Variants in SPOCK3 observed in about 807,000 individuals in gnomAD.
SPOCK3 encodes the protein SPARC (osteonectin), cwcv and kazal like domains proteoglycan 3.
SPOCK3 carries 30 observed loss-of-function variants against 56.6 expected under a neutral mutation model. That is an observed-to-expected ratio of 0.53 (90% CI 0.40 to 0.72). The LOEUF (loss-of-function observed/expected upper bound fraction) is 0.72, where lower values mean the gene tolerates loss of function less well. SPOCK3 is among the 30% of genes least tolerant of loss of function. The pLI is 0.00. For synonymous variants in SPOCK3, 196 were observed against 183.3 expected, an observed-to-expected ratio of 1.07 and a Z score of -0.56; for missense variants, 527 against 530.0, an observed-to-expected ratio of 0.99 and a Z score of 0.06.
chr4:167,119,959 C>T, intron 2 of SPOCK3: 1 of 847,180 alleles, frequency 1.2e-6, no homozygotes, highest in Non-Finnish European at 1.8e-6. Context: ...AAAATAGCTA[C>T]ATTTAAAAAT....
At chr4:167,128,340 C>T (rs761156505) in intron 2 of SPOCK3, among the ~76,000 whole-genome samples, 3 of 152,148 alleles carry the variant, frequency 2.0e-5, no homozygotes, top group Non-Finnish European at 4.4e-5. Context: ...TCTTACTGGA[C>T]CTCTCTGTAA....
chr4:167,001,069 T>C (rs1410390057), intron 3 of SPOCK3, among the ~76,000 whole-genome samples: 1 of 152,186 alleles, frequency 6.6e-6, no homozygotes, highest in Non-Finnish European at 1.5e-5. Context: ...TTGATGGCTG[T>C]CAACAAAAAG....
intron 2 of SPOCK3, among the ~76,000 whole-genome samples, chr4:167,080,369 C>T (rs1466080025): frequency 6.6e-6 from 1 of 152,050 alleles, no homozygotes; most frequent in Non-Finnish European, 1.5e-5. Flanking sequence ...GATTGATTAA[C>T]TTTCCTTTTA....
intron 2 of SPOCK3, among the ~76,000 whole-genome samples, chr4:167,144,322 A>T (rs535400243): frequency 2.0e-4 from 30 of 152,010 alleles, no homozygotes; most frequent in Non-Finnish European, 3.7e-4. Context: ...ATTATTTATA[A>T]TGTACAGTCA....
rs1173426172 is a variant in SPOCK3 at position 167,109,035 on chromosome 4, TATATAC to T, written c.190-46504_190-46499del. Among the ~76,000 whole-genome samples the T allele has an allele frequency of 4.3e-4, 25 of 57,584 alleles. 4 individuals are homozygous for T. The highest frequency in any genetic ancestry group is 5.6e-4 in the Non-Finnish European group (20 of 35,548). The allele number at this position is 57,584 out of a possible 152,430, so 37.8% of individuals were successfully genotyped here. ...ATACTTATATAAAAATATATATAAA[TATATAC>T]TTATATAAAAATATATATAAATATT... On this transcript the variant is annotated intron_variant, in intron 2 of 10. Coordinates refer to ENST00000357545, the MANE Select transcript of SPOCK3 (RefSeq NM_001040159.2).
intron 8 of SPOCK3, among the ~76,000 whole-genome samples, chr4:166,750,972 A>C (rs1736300762): frequency 6.6e-6 from 1 of 152,148 alleles, no homozygotes; most frequent in Non-Finnish European, 1.5e-5. Context: ...TGTACTGCAC[A>C]ACTCCAACAG....
At chr4:166,819,223 A>T (rs1744678221) in intron 6 of SPOCK3, among the ~76,000 whole-genome samples, 1 of 152,086 alleles carries the variant, frequency 6.6e-6, no homozygotes, top group South Asian at 2.1e-4. Flanking sequence ...GAGCTTCCTC[A>T]ATCTGACAAA....
rs560276463 is a variant in SPOCK3 at position 166,948,264 on chromosome 4, G to A, written c.351-35521C>T. 2.6e-3 allele frequency among the ~76,000 whole-genome samples: 394 copies of A among 152,242 alleles called. 1 individual carries two copies. The highest frequency in any genetic ancestry group is 6.8e-3 in the Middle Eastern group (2 of 292). ...TTTCTTTACCCATTTATCTGTTGATGAACACCTAGATTGATTCCATATCTT... is the reference window on the plus strand; with the variant it reads ...TTTCTTTACCCATTTATCTGTTGATAAACACCTAGATTGATTCCATATCTT... On this transcript the variant is annotated intron_variant, in intron 4 of 10. Coordinates refer to ENST00000357545, the MANE Select transcript of SPOCK3 (RefSeq NM_001040159.2).
At chr4:167,011,262 T>G in intron 3 of SPOCK3, 1 of 456,010 alleles carries the variant, frequency 2.2e-6, no homozygotes, top group South Asian at 1.5e-5. Flanking sequence ...TATGGCAATA[T>G]TCACATCACA....
At chr4:166,896,763 A>G (rs1043964570) in intron 5 of SPOCK3, among the ~76,000 whole-genome samples, 2 of 152,110 alleles carry the variant, frequency 1.3e-5, no homozygotes, top group South Asian at 2.1e-4. Flanking sequence ...TGTTCAACCA[A>G]TTTTCTTAAA....
At chr4:166,740,094 T>C (rs1013853591) in intron 9 of SPOCK3, among the ~76,000 whole-genome samples, 1 of 152,132 alleles carries the variant, frequency 6.6e-6, no homozygotes, top group Non-Finnish European at 1.5e-5. Flanking sequence ...GCCAGTAAAG[T>C]TGGTTGATGT....
At chr4:166,736,909 A>G (rs1200119306) in intron 10 of SPOCK3, among the ~76,000 whole-genome samples, 2 of 152,158 alleles carry the variant, frequency 1.3e-5, no homozygotes, top group Non-Finnish European at 2.9e-5. Flanking sequence ...TAAAAAATGC[A>G]TGTTCCTAAA....
At chr4:167,024,759 G>A (rs571455299) in intron 3 of SPOCK3, among the ~76,000 whole-genome samples, 9 of 151,864 alleles carry the variant, frequency 5.9e-5, no homozygotes, top group Non-Finnish European at 1.0e-4. Flanking sequence ...TACACTGCTC[G>A]GGTGGTGGGT....
At chr4:167,107,059 T>C (rs1432376048) in intron 2 of SPOCK3, among the ~76,000 whole-genome samples, 1 of 151,920 alleles carries the variant, frequency 6.6e-6, no homozygotes, top group African/African-American at 2.4e-5. Flanking sequence ...GCTTCACTGC[T>C]GAATTCTGCC....
At chr4:166,826,110 A>G (rs983432969) in intron 6 of SPOCK3, among the ~76,000 whole-genome samples, 2 of 152,136 alleles carry the variant, frequency 1.3e-5, no homozygotes, top group Admixed American at 6.6e-5. Context: ...TAAGGATTAG[A>G]TAAGCAAAGA....
intron 4 of SPOCK3, among the ~76,000 whole-genome samples, chr4:166,999,493 A>G (rs1391135102): frequency 1.3e-5 from 2 of 152,330 alleles, no homozygotes; most frequent in Non-Finnish European, 2.9e-5. Context: ...ATGCAAGTAC[A>G]CTAAAGCCAA....
At chr4:167,183,198 TCAGCC>T (rs1206962307) in intron 2 of SPOCK3, among the ~76,000 whole-genome samples, 1 of 151,970 alleles carries the variant, frequency 6.6e-6, no homozygotes, top group Admixed American at 6.6e-5. Context: ...ATGAAAACAT[TCAGCC>T]CAGCCCAGTC....
chr4:166,884,557 A>C (rs1330250626), intron 6 of SPOCK3, among the ~76,000 whole-genome samples: 1 of 152,168 alleles, frequency 6.6e-6, no homozygotes, highest in Admixed American at 6.5e-5. Flanking sequence ...AAATAAAATT[A>C]CAAATGGCAT....
chr4:167,000,738 C>T (rs1471191779), intron 3 of SPOCK3, among the ~76,000 whole-genome samples: 1 of 152,092 alleles, frequency 6.6e-6, no homozygotes, highest in Non-Finnish European at 1.5e-5. Flanking sequence ...AAGACTCAAA[C>T]TCTCTGTAGT....
Sources: allele counts gnomAD v4.1 joint callset (sites outside exome capture counted in the v4.1 genomes callset), GRCh38; gene constraint gnomAD v4.1.1; transcripts MANE v1.5; gene names NCBI Gene and HGNC (gene_info 2026-07-23, HGNC 2026-07-21).